SLC25A26: variants seen among roughly 807,000 people sequenced by gnomAD.
The protein encoded by SLC25A26 is mitochondrial S-adenosylmethionine carrier protein.
SLC25A26 carries 36 observed loss-of-function variants against 37.8 expected under a neutral mutation model. The observed-to-expected ratio is 0.95, with a 90% CI of 0.73 to 1.26. SLC25A26 has a LOEUF of 1.26. SLC25A26 is among the 50% of genes most tolerant of loss of function. The probability of loss-of-function intolerance (pLI) is 0.00; values close to 1 mark genes in which losing one functional copy is unlikely to be tolerated. For synonymous variants in SLC25A26, 129 were observed against 122.5 expected (o/e 1.05, Z -0.35); for missense variants, 390 against 331.1 (o/e 1.18, Z -1.38).
intron 5 of SLC25A26, among the ~76,000 whole-genome samples, chr3:66,267,825 C>G (rs1181553205): frequency 6.6e-6 from 1 of 152,252 alleles, no homozygotes; most frequent in African/African-American, 2.4e-5. Context: ...GATATGGCAG[C>G]TTTTCAGACT....
rs546262589 is a variant in SLC25A26, at chr3:66,299,254, C to T, written c.453+35875C>T. Among the ~76,000 whole-genome samples the T allele has an allele frequency of 7.9e-5, 12 of 152,238 alleles. No homozygotes were observed. In the East Asian group the frequency reaches 1.2e-3, roughly 15 times the overall value. On this transcript the variant is annotated intron_variant, in intron 5 of 9. Transcript: ENST00000354883. ...TCACCCAGGCTGGAGTGCAGTGGCA[C>T]AGTCTCGACTCACTGCAACCTCCGC...
At chr3:66,220,078 C>G (rs928088083), upstream of SLC25A26, among the ~76,000 whole-genome samples, 3 of 152,094 alleles carry the variant, frequency 2.0e-5, no homozygotes, top group Non-Finnish European at 4.4e-5. Context: ...AGGCAAGGAG[C>G]CTGCTCAGGT....
intron 1 of SLC25A26, among the ~76,000 whole-genome samples, chr3:66,179,610 G>A (rs532170334): frequency 4.6e-5 from 7 of 152,226 alleles, no homozygotes; most frequent in Admixed American, 1.3e-4. Context: ...ATTTTTACTG[G>A]GAATAAATCA....
intron 1 of SLC25A26, among the ~76,000 whole-genome samples, chr3:66,224,140 G>C (rs2071628802): frequency 6.6e-6 from 1 of 152,142 alleles, no homozygotes; most frequent in African/African-American, 2.4e-5. Flanking sequence ...CCTAATTAAA[G>C]CTATGTTAAA....
At chr3:66,146,375 C>A (rs190929378) in intron 1 of SLC25A26, among the ~76,000 whole-genome samples, 5 of 151,330 alleles carry the variant, frequency 3.3e-5, no homozygotes, top group Admixed American at 1.3e-4. Context: ...AATAATTATT[C>A]CACTTTTGCT....
At chr3:66,249,967 C>T in intron 3 of SLC25A26, among the ~76,000 whole-genome samples, 1 of 152,320 alleles carries the variant, frequency 6.6e-6, no homozygotes, top group South Asian at 2.1e-4. Flanking sequence ...TGGGACCTTT[C>T]ACCCTATTTT....
intron 1 of SLC25A26, among the ~76,000 whole-genome samples, chr3:66,201,260 GTTATATA>G (rs1311279545): frequency 1.3e-5 from 2 of 151,262 alleles, no homozygotes; most frequent in African/African-American, 4.9e-5. Context: ...GTTACATATA[GTTATATA>G]TTATATTGTT....
At chr3:66,239,816 CTTTTTT>C (rs536690709) in intron 2 of SLC25A26, among the ~76,000 whole-genome samples, 13 of 110,172 alleles carry the variant, frequency 1.2e-4, no homozygotes, top group South Asian at 3.4e-4. Flanking sequence ...TCCTTTCTTT[CTTTTTT>C]TTTTTTTTTT....
chr3:66,198,648 C>A (rs2071075279), intron 1 of SLC25A26, among the ~76,000 whole-genome samples: 1 of 151,978 alleles, frequency 6.6e-6, no homozygotes, highest in South Asian at 2.1e-4. Context: ...GACCTCAACC[C>A]ACATCCTAAC....
chr3:66,247,010 C>T (rs1197083156), intron 3 of SLC25A26, among the ~76,000 whole-genome samples: 11 of 152,182 alleles, frequency 7.2e-5, no homozygotes, highest in African/African-American at 2.2e-4. Flanking sequence ...TACAGGCACC[C>T]GCCACCACAC....
intron 5 of SLC25A26, among the ~76,000 whole-genome samples, chr3:66,317,325 T>G (rs1207385104): frequency 6.6e-6 from 1 of 152,162 alleles, no homozygotes; most frequent in African/African-American, 2.4e-5. Context: ...TTGTTGTTGC[T>G]TTCGGTTTGT....
intron 1 of SLC25A26, among the ~76,000 whole-genome samples, chr3:66,192,005 T>G (rs1296016229): frequency 4.6e-5 from 7 of 151,798 alleles, no homozygotes; most frequent in Non-Finnish European, 8.8e-5. Context: ...CTGAATGGGT[T>G]TAGTGCCTTT....
At chr3:66,273,297 G>A (rs1370991993) in intron 5 of SLC25A26, among the ~76,000 whole-genome samples, 1 of 152,122 alleles carries the variant, frequency 6.6e-6, no homozygotes, top group Non-Finnish European at 1.5e-5. Flanking sequence ...TCAGGATGAT[G>A]CTGGCCTCAT....
At chr3:66,288,049 T>C (rs1223602469) in intron 5 of SLC25A26, among the ~76,000 whole-genome samples, 1 of 152,186 alleles carries the variant, frequency 6.6e-6, no homozygotes, top group African/African-American at 2.4e-5. Context: ...ATTAGCCATG[T>C]GTGGATGGGA....
intron 5 of SLC25A26, among the ~76,000 whole-genome samples, chr3:66,318,741 A>T (rs1450553171): frequency 6.6e-6 from 1 of 151,888 alleles, no homozygotes; most frequent in African/African-American, 2.4e-5. Context: ...AGCTCACTAC[A>T]GCCTCGAAAT....
chr3:66,199,613 A>G (rs1296682725), intron 1 of SLC25A26, among the ~76,000 whole-genome samples: 2 of 151,976 alleles, frequency 1.3e-5, no homozygotes, highest in African/African-American at 4.8e-5. Flanking sequence ...ACCCTCTGAT[A>G]CTGATCCTGA....
At chr3:66,192,177 G>T (rs1204220173) in intron 1 of SLC25A26, among the ~76,000 whole-genome samples, 3 of 151,942 alleles carry the variant, frequency 2.0e-5, no homozygotes, top group African/African-American at 7.3e-5. Context: ...TTAGCTGGGT[G>T]TGGTGGTGGG....
chr3:66,248,075 C>T (rs1176531804), intron 3 of SLC25A26, among the ~76,000 whole-genome samples: 1 of 152,184 alleles, frequency 6.6e-6, no homozygotes. Flanking sequence ...GAAACAATAA[C>T]ATATTTTGTT....
chr3:66,289,847 C>G (rs1243474855), intron 5 of SLC25A26, among the ~76,000 whole-genome samples: 1 of 152,104 alleles, frequency 6.6e-6, no homozygotes, highest in Non-Finnish European at 1.5e-5. Context: ...TTTTCTAATT[C>G]TGTGAAGAAA....
Sources: gnomAD v4.1 joint callset for allele counts (sites outside exome capture counted in the v4.1 genomes callset) on GRCh38, gnomAD v4.1.1 for gene constraint, MANE v1.5 for transcripts, NCBI Gene and HGNC (gene_info 2026-07-23, HGNC 2026-07-21) for gene names.